SMAP1: variants seen among roughly 807,000 people sequenced by gnomAD.
The protein encoded by SMAP1 is stromal membrane-associated protein 1.
Under a neutral mutation model 58.5 loss-of-function variants are expected in SMAP1, and 24 were observed. That is an observed-to-expected ratio of 0.41 (90% confidence interval 0.30 to 0.58). The LOEUF is 0.58. SMAP1 is among the 20% of genes least tolerant of loss of function. The pLI, the probability that SMAP1 is intolerant of heterozygous loss-of-function variation, is 0.29. For missense variants in SMAP1, 563 were observed against 566.3 expected (o/e 0.99, Z 0.06); for synonymous variants, 216 against 196.6 (o/e 1.10, Z -0.82).
At chr6:70,773,323 G>A in intron 3 of SMAP1, 27 bp from the exon 4 acceptor site, 2 of 1,422,962 alleles carry the variant, frequency 1.4e-6, no homozygotes, top group East Asian at 4.6e-5. Flanking sequence ...CTGAATTCAT[G>A]CTTTTCCTTA....
At position 70,836,994 on chromosome 6, in the gene SMAP1, A is replaced by G; in HGVS notation, c.630A>G (p.Lys210=). 6.2e-7 allele frequency: 1 copy of G among 1,604,330 alleles called. No homozygotes were observed. Among genetic ancestry groups the G allele is most frequent in the South Asian group, 1.1e-5 (1 of 88,482 alleles). The change falls in exon 7 of 11, where the codon AAA becomes AAG. Residue 210 remains lysine (K), a synonymous_variant. Coordinates refer to ENST00000370455, the MANE Select transcript of SMAP1 (RefSeq NM_001044305.3). ...LEPKKSTSPK[K]AAEPTVDLLG... is the part of the protein sequence containing the mutation. Reference sequence around the variant, plus strand: ...CTAAAAAAAGTACCAGCCCTAAAAAAGCTGCGGAGCCCACTGTGGATCTTT... The same window carrying G: ...CTAAAAAAAGTACCAGCCCTAAAAAGGCTGCGGAGCCCACTGTGGATCTTT...
chr6:70,684,087 A>G (rs189194683), intron 1 of SMAP1, among the ~76,000 whole-genome samples: 1 of 152,360 alleles, frequency 6.6e-6, no homozygotes, highest in East Asian at 1.9e-4. Context: ...TAACAAGATA[A>G]TTGGTTATCA....
intron 2 of SMAP1, among the ~76,000 whole-genome samples, chr6:70,745,357 A>G (rs915168195): frequency 1.2e-4 from 19 of 152,164 alleles, no homozygotes; most frequent in Middle Eastern, 3.4e-3. Context: ...TGTATAAGGT[A>G]TAAGGAAGGG....
At chr6:70,826,981 A>AC (rs1204659372) in intron 6 of SMAP1, among the ~76,000 whole-genome samples, 2 of 151,294 alleles carry the variant, frequency 1.3e-5, no homozygotes, top group Non-Finnish European at 3.0e-5. Flanking sequence ...AGAAAAAAAA[A>AC]ACCCCACAGT....
chr6:70,695,684 G>C (rs1014755840), intron 1 of SMAP1, among the ~76,000 whole-genome samples: 2 of 152,082 alleles, frequency 1.3e-5, no homozygotes, highest in African/African-American at 4.8e-5. Context: ...AATTTGATTT[G>C]CTAGTATTTT....
Position 70,858,146 on chromosome 6 carries a change from G to A in SMAP1, c.1186G>A (p.Gly396Arg), listed in dbSNP as rs758377615. The change falls in exon 10 of 11, where the codon GGA becomes AGA. Residue 396 changes from glycine (G) to arginine (R), a missense_variant. Gly to Arg is a moderately radical substitution (Grantham distance 125). Transcript: ENST00000370455. ...TCCTCAGAACGTTGTTGGCCCCCAA[G>A]GAGGAATGGTGGGACAAATGGGTGC... ...PLPQNVVGPQ[G>R]GMVGQMGAPQ... 3.7e-6 allele frequency: 6 copies of A among 1,614,098 alleles called. No individual in the cohort carries two copies. Among genetic ancestry groups the A allele is most frequent in the East Asian group, 4.5e-5 (2 of 44,866 alleles).
At chr6:70,806,210 C>T (rs186996438) in intron 6 of SMAP1, among the ~76,000 whole-genome samples, 6 of 152,346 alleles carry the variant, frequency 3.9e-5, no homozygotes, top group Admixed American at 3.9e-4. Flanking sequence ...GAAGCCTCAG[C>T]TATAGCGGAT....
chr6:70,760,468 T>C (rs1315220847), intron 3 of SMAP1, among the ~76,000 whole-genome samples: 1 of 152,064 alleles, frequency 6.6e-6, no homozygotes, highest in African/African-American at 2.4e-5. Flanking sequence ...ATGAGACTAG[T>C]CCCCATATCT....
chr6:70,737,150 T>A (rs1765648734), intron 2 of SMAP1, among the ~76,000 whole-genome samples: 1 of 152,190 alleles, frequency 6.6e-6, no homozygotes, highest in South Asian at 2.1e-4. Flanking sequence ...ATTTTTTGTT[T>A]GTTGTTTTTG....
intron 1 of SMAP1, among the ~76,000 whole-genome samples, chr6:70,679,123 A>G (rs1314435406): frequency 6.6e-6 from 1 of 151,208 alleles, no homozygotes; most frequent in Non-Finnish European, 1.5e-5. Flanking sequence ...TCCCCGGTTC[A>G]AGCGATTCTC....
At chr6:70,740,149 T>G (rs1004450666) in intron 2 of SMAP1, among the ~76,000 whole-genome samples, 1 of 152,232 alleles carries the variant, frequency 6.6e-6, no homozygotes, top group Non-Finnish European at 1.5e-5. Flanking sequence ...TGATTCTTTC[T>G]GCTGATCATT....
chr6:70,782,896 C>T (rs929696209), intron 4 of SMAP1, among the ~76,000 whole-genome samples: 10 of 152,106 alleles, frequency 6.6e-5, no homozygotes, highest in African/African-American at 1.7e-4. Flanking sequence ...ACGGAGAAGA[C>T]GGGTGATTTC....
chr6:70,786,203 AC>A (rs1262212210), intron 4 of SMAP1, among the ~76,000 whole-genome samples: 8 of 150,548 alleles, frequency 5.3e-5, no homozygotes, highest in Non-Finnish European at 1.2e-4. Context: ...GACAAAAACC[AC>A]ATGATTATCT....
intron 1 of SMAP1, among the ~76,000 whole-genome samples, chr6:70,687,442 T>A (rs1353591759): frequency 2.6e-5 from 4 of 152,172 alleles, no homozygotes; most frequent in Non-Finnish European, 5.9e-5. Flanking sequence ...ATGATTATAG[T>A]ACATTTTTCT....
chr6:70,858,076 G>A lies in SMAP1; in HGVS notation c.1116G>A (p.Met372Ile). ...QSPSMMVGMP[M>I]PNGFMGNAQT... is the part of the protein sequence containing the mutation. ...CAAGCATGATGGTGGGCATGCCCAT[G>A]CCCAATGGGTTTATGGGAAATGCAC... is the stretch of plus-strand genomic sequence containing the variant. Residue 372 changes from methionine (M) to isoleucine (I), a missense_variant, in exon 10 of 11, where the codon ATG becomes ATA. Coordinates refer to ENST00000370455, the MANE Select transcript of SMAP1 (RefSeq NM_001044305.3). The A allele has an allele frequency of 6.2e-7, 1 of 1,614,078 alleles. No individual in the cohort carries two copies. The highest frequency in any genetic ancestry group is 8.5e-7 in the Non-Finnish European group (1 of 1,180,002).
chr6:70,843,437 C>A (rs74996762), intron 7 of SMAP1, among the ~76,000 whole-genome samples: 1,545 of 152,020 alleles, frequency 0.01, 32 homozygotes, highest in African/African-American at 0.035. Context: ...TTGCAACAGC[C>A]CTGAGATTGG....
intron 6 of SMAP1, among the ~76,000 whole-genome samples, chr6:70,831,950 T>A (rs1482106243): frequency 6.6e-6 from 1 of 152,232 alleles, no homozygotes; most frequent in African/African-American, 2.4e-5. Flanking sequence ...ATTTTTTTAA[T>A]GATAGGCACT....
intron 6 of SMAP1, 122 bp from the exon 7 acceptor site, chr6:70,836,819 A>G (rs1334004700): frequency 4.0e-6 from 3 of 756,044 alleles, no homozygotes; most frequent in Non-Finnish European, 6.0e-6. Flanking sequence ...TCTAGGTTTT[A>G]TTATACTATG....
In SMAP1 at chr6:70,755,767, T is replaced by A. The variant is rs143082349; in HGVS notation, c.338+702T>A. 1.6e-3 allele frequency among the ~76,000 whole-genome samples: 242 copies of A among 152,162 alleles called. 1 individual carries two copies. Among genetic ancestry groups the A allele is most frequent in the Middle Eastern group, 6.8e-3 (2 of 294 alleles). ...ATTATTTTAGACTGTTACTAGAAACTTGATTTGTAAGCATCCTGAGTATGT... is the reference window on the plus strand; with the variant it reads ...ATTATTTTAGACTGTTACTAGAAACATGATTTGTAAGCATCCTGAGTATGT... On this transcript the variant is annotated intron_variant, in intron 3 of 10. Transcript: ENST00000370455.
Sources: allele counts gnomAD v4.1 joint callset (sites outside exome capture counted in the v4.1 genomes callset), GRCh38; gene constraint gnomAD v4.1.1; transcripts MANE v1.5; gene names NCBI Gene and HGNC (gene_info 2026-07-23, HGNC 2026-07-21).